The following UNC45B variants were observed in gnomAD, a reference collection of about 807,000 sequenced individuals.
UNC45B encodes the protein protein unc-45 homolog B.
A neutral mutation model predicts 98.7 loss-of-function variants in UNC45B; 78 were observed. The observed-to-expected ratio is 0.79, with a 90% CI of 0.66 to 0.95. UNC45B has a LOEUF of 0.95. Ranked by LOEUF, UNC45B falls within the 40% of genes least tolerant of loss-of-function variation. The pLI, the probability that UNC45B is intolerant of heterozygous loss-of-function variation, is 0.00. For synonymous variants in UNC45B, 462 were observed against 480.4 expected (o/e 0.96, Z 0.50); for missense variants, 1,225 against 1,184.9 (o/e 1.03, Z -0.50).
chr17:35,159,358 G>A lies in UNC45B; in HGVS notation c.809-17G>A, dbSNP rs372240901. ...TTTCCTACCCCTCTCTACTTACCCC[G>A]TCCTCTTTTTCTTCAGACACCAAGA... On this transcript the variant is annotated splice_polypyrimidine_tract_variant and intron_variant, in intron 7 of 19. Coordinates refer to ENST00000394570, the MANE Select transcript of UNC45B (RefSeq NM_001267052.2). 5.0e-5 allele frequency: 81 copies of A among 1,606,034 alleles called. No homozygotes were observed. Among genetic ancestry groups the A allele is most frequent in the South Asian group, 3.0e-4 (27 of 90,406 alleles).
intron 7 of UNC45B, among the ~76,000 whole-genome samples, chr17:35,157,312 T>C (rs1479589888): frequency 6.6e-6 from 1 of 152,140 alleles, no homozygotes; most frequent in African/African-American, 2.4e-5. Context: ...CGATCTCAGC[T>C]CATTGCAACC....
intron 12 of UNC45B, 98 bp from the exon 13 acceptor site, chr17:35,171,224 C>A (rs1249295311): frequency 6.6e-7 from 1 of 1,513,688 alleles, no homozygotes; most frequent in Non-Finnish European, 9.0e-7. Context: ...ACTCCTCCGA[C>A]ACCAACCTGC....
rs757063421 is a variant in UNC45B, at chr17:35,150,181, C to A, written c.339C>A (p.Phe113Leu). The change falls in exon 4 of 20, where the codon TTC becomes TTA. Residue 113 changes from phenylalanine (F) to leucine (L), a missense_variant. By Grantham distance (22) the Phe-to-Leu change is conservative. Coordinates refer to ENST00000394570, the MANE Select transcript of UNC45B (RefSeq NM_001267052.2). The stretch of plus-strand genomic sequence containing the variant: ...CCCTCGAGCCACGGAACCAGAACTT[C>A]CAGGAGATGCTGAGGAGACTCAACA... ...CATLEPRNQN[F>L]QEMLRRLNTS... is the part of the protein sequence containing the mutation. 8.7e-6 allele frequency: 14 copies of A among 1,613,600 alleles called. No homozygotes were observed. Among genetic ancestry groups the A allele is most frequent in the Non-Finnish European group, 1.2e-5 (14 of 1,179,790 alleles).
chr17:35,153,768 C>T (rs1215406616), intron 5 of UNC45B, among the ~76,000 whole-genome samples: 1 of 150,358 alleles, frequency 6.7e-6, no homozygotes, highest in Non-Finnish European at 1.5e-5. Context: ...GTTCTGGTCA[C>T]GCTTGCCTGG....
chr17:35,172,310 T>C (rs2092192873), intron 13 of UNC45B, among the ~76,000 whole-genome samples: 1 of 152,134 alleles, frequency 6.6e-6, no homozygotes, highest in African/African-American at 2.4e-5. Context: ...AGTGCAGTGG[T>C]GAGATCTCGG....
chr17:35,149,936 C>T (rs1567752427), intron 3 of UNC45B, 112 bp from the exon 4 acceptor site: 1 of 1,175,510 alleles, frequency 8.5e-7, no homozygotes, highest in African/African-American at 1.6e-5. Flanking sequence ...GGATAATCTC[C>T]AAGGAAGACA....
intron 19 of UNC45B, 74 bp downstream of exon 19, chr17:35,183,656 T>A: frequency 7.2e-7 from 1 of 1,390,396 alleles, no homozygotes; most frequent in Middle Eastern, 2.6e-4. Context: ...CCACACTGGA[T>A]GATCCTCTGG....
chr17:35,157,376 A>AT (rs1307811336), intron 7 of UNC45B, among the ~76,000 whole-genome samples: 20 of 151,904 alleles, frequency 1.3e-4, no homozygotes, highest in African/African-American at 4.8e-4. Context: ...TAATTTTTGT[A>AT]TTTTTAGTAG....
chr17:35,165,874 G>T (rs1168242380), intron 9 of UNC45B, among the ~76,000 whole-genome samples: 2 of 151,918 alleles, frequency 1.3e-5, no homozygotes, highest in African/African-American at 4.8e-5. Flanking sequence ...AGGAGGTAGA[G>T]GTTGTAGTGA....
rs754739892 is a variant in UNC45B, at chr17:35,170,252, C to T, written c.1686C>T (p.Ala562=). 53 of 1,605,350 alleles carry T rather than the reference C, an allele frequency of 3.3e-5. No homozygotes were observed. In the Admixed American group the frequency reaches 8.9e-4, roughly 27 times the overall value. Residue 562 remains alanine, a synonymous_variant, in exon 12 of 20, where the codon GCC becomes GCT. Transcript: ENST00000394570. ...VPALQAMFEL[A]KTSDKTILYS... is the part of the protein sequence containing the mutation. The stretch of plus-strand genomic sequence containing the variant: ...CCCTGCAGGCCATGTTTGAGCTGGC[C>T]AAGGCAGGTGTCGGGGAGTCTGGCC...
chr17:35,168,346 G>T lies in UNC45B; in HGVS notation c.1437G>T (p.Lys479Asn). Residue 479 changes from lysine (K) to asparagine (N), a missense_variant, in exon 10 of 20, where the codon AAG becomes AAT. Lys to Asn is a moderately conservative substitution (Grantham distance 94, BLOSUM62 0). Coordinates refer to ENST00000394570, the MANE Select transcript of UNC45B (RefSeq NM_001267052.2). ...AGACCACCAAAAATGAGAAGATCAA[G>T]ATCCGCACACTGGTGGTGAGTGGGC... ...IYKTTKNEKI[K>N]IRTLVGLCKL... The T allele has an allele frequency of 7.3e-7, 1 of 1,366,206 alleles. No individual in the cohort carries two copies. The highest frequency in any genetic ancestry group is 9.5e-7 in the Non-Finnish European group (1 of 1,048,552). The allele number at this position is 1,366,206 out of a possible 1,614,324, so 84.6% of individuals were successfully genotyped here.
At chr17:35,154,268 A>G (rs77096411) in intron 5 of UNC45B, among the ~76,000 whole-genome samples, 2 of 152,128 alleles carry the variant, frequency 1.3e-5, no homozygotes, top group Non-Finnish European at 2.9e-5. Context: ...CATAAGTGCA[A>G]TTGGAGTAAA....
chr17:35,170,854 A>G (rs1369094193), intron 12 of UNC45B, among the ~76,000 whole-genome samples: 1 of 151,970 alleles, frequency 6.6e-6, no homozygotes, highest in Non-Finnish European at 1.5e-5. Flanking sequence ...TAAATAAATA[A>G]AAGAGGCTGT....
chr17:35,172,248 A>T (rs1199542238), intron 13 of UNC45B, among the ~76,000 whole-genome samples: 3 of 151,686 alleles, frequency 2.0e-5, no homozygotes, highest in African/African-American at 7.3e-5. Context: ...AATCATTTTT[A>T]TTTTATTTAT....
chr17:35,159,339 A>T (rs1405625425), intron 7 of UNC45B, 36 bp from the exon 8 acceptor site: 1 of 1,579,860 alleles, frequency 6.3e-7, no homozygotes, highest in Admixed American at 1.8e-5. Flanking sequence ...GAGATTTCCT[A>T]CCCCTCTCTA....
intron 18 of UNC45B, among the ~76,000 whole-genome samples, chr17:35,182,280 G>A (rs886800666): frequency 1.3e-5 from 2 of 151,932 alleles, no homozygotes; most frequent in African/African-American, 4.8e-5. Flanking sequence ...TAGTAGAGAC[G>A]GGGTTTCACC....
Position 35,186,317 on chromosome 17 carries a change from A to G in UNC45B, c.2548A>G (p.Ile850Val). The part of the protein sequence containing the change: ...MTQVTTQWLE[I>V]LQRLCLHDQL... ...CCTCCAGACAACCCAGTGGTTGGAG[A>G]TCCTCCAGCGGCTTTGCCTGCACGA... Residue 850 changes from isoleucine (I) to valine (V), a missense_variant, in exon 20 of 20, where the codon ATC becomes GTC. Transcript: ENST00000394570. The G allele has an allele frequency of 6.2e-7, 1 of 1,613,970 alleles. No homozygotes were observed. The highest frequency in any genetic ancestry group is 8.5e-7 in the Non-Finnish European group (1 of 1,180,008).
rs998381179 is a variant in UNC45B at position 35,170,114 on chromosome 17, G to A, written c.1548G>A (p.Lys516=). 5.0e-6 allele frequency: 8 copies of A among 1,607,926 alleles called. No homozygotes were observed. Among genetic ancestry groups the A allele is most frequent in the African/African-American group, 1.3e-5 (1 of 74,930 alleles). Residue 516 remains lysine (K), a splice_region_variant and synonymous_variant, in exon 12 of 20, where the codon AAG becomes AAA. Coordinates refer to ENST00000394570, the MANE Select transcript of UNC45B (RefSeq NM_001267052.2). ...ATGTGTGCTCCCTCCTCACTTCCAGGTGGCTGTGCAATATGTCCATAGACA... is the reference window on the plus strand; with the variant it reads ...ATGTGTGCTCCCTCCTCACTTCCAGATGGCTGTGCAATATGTCCATAGACA... The part of the protein sequence containing the change: ...STEKLAKQCR[K]WLCNMSIDTR...
chr17:35,152,731 C>A (rs1355219004), intron 4 of UNC45B, among the ~76,000 whole-genome samples, 162 bp from the exon 5 acceptor site: 1 of 152,182 alleles, frequency 6.6e-6, no homozygotes, highest in Non-Finnish European at 1.5e-5. Context: ...TTTATTAATT[C>A]ATCGTACTTA....
Sources: gnomAD v4.1 joint callset for allele counts (sites outside exome capture counted in the v4.1 genomes callset) on GRCh38, gnomAD v4.1.1 for gene constraint, MANE v1.5 for transcripts, NCBI Gene and HGNC (gene_info 2026-07-23, HGNC 2026-07-21) for gene names.